OPRM1: variants seen among roughly 807,000 people sequenced by gnomAD.
OPRM1 encodes the protein opioid receptor mu 1, also known as mu-type opioid receptor.
Under a neutral mutation model 31.8 loss-of-function variants are expected in OPRM1, and 27 were observed. That is an observed-to-expected ratio of 0.85 (90% CI 0.63 to 1.17). The LOEUF (loss-of-function observed/expected upper bound fraction) is 1.17, where lower values mean the gene tolerates loss of function less well. OPRM1 is among the 50% of genes most tolerant of loss of function. The pLI, the probability that OPRM1 is intolerant of heterozygous loss-of-function variation, is 0.00. For synonymous variants in OPRM1, 196 were observed against 189.9 expected (o/e 1.03, Z -0.26); for missense variants, 536 against 511.1 (o/e 1.05, Z -0.47).
chr6:154,038,645 T>G (rs1322681083), upstream of OPRM1, among the ~76,000 whole-genome samples: 4 of 152,170 alleles, frequency 2.6e-5, no homozygotes, highest in Non-Finnish European at 4.4e-5. Context: ...AGATCAACAT[T>G]ATCTTTAGTT....
chr6:154,219,521 G>A (rs908047665), intron 3 of OPRM1, among the ~76,000 whole-genome samples: 12 of 152,036 alleles, frequency 7.9e-5, no homozygotes, highest in African/African-American at 2.4e-4. Context: ...GCTCAGCGGC[G>A]GACTGACCTC....
chr6:154,056,827 A>G (rs191311925), intron 1 of OPRM1, among the ~76,000 whole-genome samples: 138 of 152,308 alleles, frequency 9.1e-4, no homozygotes, highest in Middle Eastern at 3.4e-3. Flanking sequence ...CCTGCCAAGA[A>G]GAACAAGGGA....
chr6:154,016,909 A>G (rs1429625657), intron 1 of OPRM1, among the ~76,000 whole-genome samples: 2 of 152,228 alleles, frequency 1.3e-5, no homozygotes, highest in Admixed American at 6.5e-5. Flanking sequence ...GAAAACAAAC[A>G]GAAAAAACCC....
At chr6:154,035,746 G>A (rs1004456796), upstream of OPRM1, among the ~76,000 whole-genome samples, 5 of 152,082 alleles carry the variant, frequency 3.3e-5, no homozygotes, top group East Asian at 5.8e-4. Flanking sequence ...GGATTCATCC[G>A]TGCTATGAAT....
chr6:154,208,384 T>C (rs1725057558), intron 3 of OPRM1, among the ~76,000 whole-genome samples: 1 of 152,186 alleles, frequency 6.6e-6, no homozygotes, highest in African/African-American at 2.4e-5. Context: ...AGATCTCAGC[T>C]CTCAGTCGGA....
intron 1 of OPRM1, among the ~76,000 whole-genome samples, chr6:154,012,480 T>C (rs577179925): frequency 2.0e-5 from 3 of 152,264 alleles, no homozygotes; most frequent in East Asian, 3.9e-4. Context: ...CATTCTATTT[T>C]CCGAGCCCTC....
intron 3 of OPRM1, among the ~76,000 whole-genome samples, chr6:154,185,619 T>C (rs577977029): frequency 2.0e-5 from 3 of 152,228 alleles, no homozygotes; most frequent in Non-Finnish European, 4.4e-5. Context: ...ATATTTAGTA[T>C]CAAGTTCTAT....
Position 154,168,093 on chromosome 6 carries a change from C to A in OPRM1, c.1164+76621C>A, listed in dbSNP as rs1799575737. 5 of 1,553,326 alleles carry A rather than the reference C, an allele frequency of 3.2e-6. No individual in the cohort carries two copies. Among genetic ancestry groups the A allele is most frequent in the Non-Finnish European group, 4.4e-6 (5 of 1,142,032 alleles). On this transcript the variant is annotated intron_variant, in intron 3 of 3. Coordinates refer to the OPRM1 transcript ENST00000337049. The surrounding 1 kb of genome is among the most constrained non-coding windows in gnomAD (Gnocchi z 4.1). The stretch of plus-strand genomic sequence containing the variant: ...TTGTACAGCTTCTCCATTTCATCAT[C>A]TTCAGACACTTTTGTCTCTTCTATT...
At chr6:154,223,457 G>C (rs1314425762) in intron 3 of OPRM1, among the ~76,000 whole-genome samples, 1 of 152,158 alleles carries the variant, frequency 6.6e-6, no homozygotes, top group African/African-American at 2.4e-5. Flanking sequence ...CTTTCCAAGA[G>C]AAGTGGCATG....
At chr6:154,019,199 G>GTTTT (rs1778194972) in intron 1 of OPRM1, among the ~76,000 whole-genome samples, 1 of 120,292 alleles carries the variant, frequency 8.3e-6, no homozygotes, top group African/African-American at 3.4e-5. Context: ...TTTTTTTTTG[G>GTTTT]CTTACTGATA....
Position 154,090,108 on chromosome 6 carries a change from C to A in OPRM1, c.573C>A (p.Val191=). 6.2e-7 allele frequency: 1 copy of A among 1,614,128 alleles called. No homozygotes were observed. The highest frequency in any genetic ancestry group is 8.5e-7 in the Non-Finnish European group (1 of 1,180,002). The part of the protein sequence containing the change: ...RTPRNAKIIN[V]CNWILSSAIG... ...CCCGAAATGCCAAAATTATCAATGT[C>A]TGCAACTGGATCCTCTCTTCAGCCA... is the stretch of plus-strand genomic sequence containing the variant. The change falls in exon 2 of 4, where the codon GTC becomes GTA. Residue 191 remains valine, a synonymous_variant. Transcript: ENST00000330432.
intron 1 of OPRM1, among the ~76,000 whole-genome samples, chr6:154,056,165 C>T (rs1783243676): frequency 6.6e-6 from 1 of 151,606 alleles, no homozygotes; most frequent in South Asian, 2.1e-4. Context: ...TGCTCTGTCA[C>T]CAGGCTGGAG....
At chr6:154,161,358 G>A (rs563058211) in intron 3 of OPRM1, among the ~76,000 whole-genome samples, 2 of 151,980 alleles carry the variant, frequency 1.3e-5, no homozygotes, top group South Asian at 4.2e-4. Context: ...TTACAGGCAT[G>A]CACCACCATG....
At chr6:154,197,856 T>C (rs1186540954) in intron 3 of OPRM1, among the ~76,000 whole-genome samples, 1 of 152,202 alleles carries the variant, frequency 6.6e-6, no homozygotes, top group African/African-American at 2.4e-5. Context: ...ATTTTTTTAG[T>C]TCTACTTACG....
At chr6:154,107,590 T>C in intron 3 of OPRM1, 1 of 718,588 alleles carries the variant, frequency 1.4e-6, no homozygotes, top group South Asian at 1.5e-5. Flanking sequence ...TTGCAAAGGC[T>C]TGTAACTATT....
At chr6:154,136,369 G>T (rs1483667875), downstream of OPRM1, among the ~76,000 whole-genome samples, 1 of 152,306 alleles carries the variant, frequency 6.6e-6, no homozygotes, top group East Asian at 1.9e-4. Context: ...TAGAAGGAGA[G>T]AAGAAATAAG....
chr6:154,222,949 C>T (rs1343164370), intron 3 of OPRM1: 6 of 574,180 alleles, frequency 1.0e-5, no homozygotes, highest in Admixed American at 2.9e-5. Flanking sequence ...GCCAAGACTT[C>T]GTGGGGGTTT....
chr6:154,047,083 CAG>C (rs1781253438), intron 1 of OPRM1, among the ~76,000 whole-genome samples: 1 of 152,222 alleles, frequency 6.6e-6, no homozygotes, highest in East Asian at 1.9e-4. Context: ...ATAAGGGAAA[CAG>C]AAAGTTACAG....
chr6:154,168,203 C>A lies in OPRM1; in HGVS notation c.1164+76731C>A. ...CAATACTGTGGTCCCAAGGCACGGC[C>A]CCACTGGCACCCTCATCTCAGACTT... On this transcript the variant is annotated intron_variant, in intron 3 of 3. Coordinates refer to the OPRM1 transcript ENST00000337049. This position sits in a 1 kb window ranked among gnomAD's most constrained non-coding sequence, Gnocchi z 4.1. The A allele has an allele frequency of 1.2e-6, 1 of 854,924 alleles. No individual in the cohort carries two copies. Among genetic ancestry groups the A allele is most frequent in the South Asian group, 2.4e-5 (1 of 42,422 alleles). 53.0% of individuals were successfully genotyped at this position (854,924 alleles called of 1,614,324 possible). A position where few individuals can be genotyped will look rare whatever the true frequency, so the allele number is the denominator to read the frequency against.
Sources: allele counts gnomAD v4.1 joint callset (sites outside exome capture counted in the v4.1 genomes callset), GRCh38; gene constraint gnomAD v4.1.1; non-coding constraint Gnocchi (gnomAD v3.1); transcripts MANE v1.5; gene names NCBI Gene and HGNC (gene_info 2026-07-23, HGNC 2026-07-21).